The following ST6GALNAC3 variants were observed in gnomAD, a reference collection of about 807,000 sequenced individuals.
The protein encoded by ST6GALNAC3 is alpha-N-acetylgalactosaminide alpha-2,6-sialyltransferase 3.
ST6GALNAC3 carries 25 observed loss-of-function variants against 32.7 expected under a neutral mutation model. That is an observed-to-expected ratio of 0.76 (90% CI 0.56 to 1.07). The LOEUF (loss-of-function observed/expected upper bound fraction) is 1.07, where lower values mean the gene tolerates loss of function less well. ST6GALNAC3 is among the 50% of genes least tolerant of loss of function. ST6GALNAC3 has a pLI of 0.00. For missense variants in ST6GALNAC3, 355 were observed against 382.4 expected, an observed-to-expected ratio of 0.93 and a Z score of 0.60; for synonymous variants, 129 against 133.1, an observed-to-expected ratio of 0.97 and a Z score of 0.21.
intron 1 of ST6GALNAC3, among the ~76,000 whole-genome samples, chr1:76,099,534 A>G (rs1214029465): frequency 3.3e-5 from 5 of 151,960 alleles, no homozygotes; most frequent in African/African-American, 1.2e-4. Context: ...ATGTAGATGA[A>G]TCTCCAAAAC....
intron 3 of ST6GALNAC3, among the ~76,000 whole-genome samples, chr1:76,437,651 C>T (rs1416861498): frequency 2.0e-5 from 3 of 149,422 alleles, no homozygotes; most frequent in Non-Finnish European, 4.4e-5. Flanking sequence ...GATCTCGGCT[C>T]ACTGCAACCT....
chr1:76,437,969 A>T (rs1221337074), intron 3 of ST6GALNAC3, among the ~76,000 whole-genome samples: 3 of 151,394 alleles, frequency 2.0e-5, no homozygotes, highest in African/African-American at 7.3e-5. Context: ...CTTAAGGTCG[A>T]TTCTAAGAAT....
chr1:76,494,466 T>C (rs56397348), intron 3 of ST6GALNAC3, among the ~76,000 whole-genome samples: 14,385 of 50,464 alleles, frequency 0.29, 2,420 homozygotes, highest in South Asian at 0.49. Flanking sequence ...TATATATATA[T>C]ATACACACAC....
At chr1:76,146,973 C>T (rs2706195) in intron 1 of ST6GALNAC3, among the ~76,000 whole-genome samples, 3,034 of 152,114 alleles carry the variant, frequency 0.02, 105 homozygotes, top group African/African-American at 0.069. Flanking sequence ...CTAATGACTC[C>T]GTGTACTGCT....
intron 3 of ST6GALNAC3, among the ~76,000 whole-genome samples, chr1:76,415,791 A>T (rs1014033745): frequency 6.6e-6 from 1 of 152,060 alleles, no homozygotes; most frequent in African/African-American, 2.4e-5. Flanking sequence ...GCTCATTGCT[A>T]CTGGATTGGT....
At chr1:76,596,273 T>A (rs1647135739) in intron 3 of ST6GALNAC3, among the ~76,000 whole-genome samples, 1 of 152,148 alleles carries the variant, frequency 6.6e-6, no homozygotes, top group African/African-American at 2.4e-5. Context: ...ATTTTACTTA[T>A]CATGTAGAAT....
chr1:76,300,978 A>G (rs1322026128), intron 1 of ST6GALNAC3, among the ~76,000 whole-genome samples: 1 of 152,012 alleles, frequency 6.6e-6, no homozygotes, highest in Non-Finnish European at 1.5e-5. Context: ...TAGCTTATGT[A>G]GGCAACCTGA....
intron 3 of ST6GALNAC3, among the ~76,000 whole-genome samples, chr1:76,524,911 G>T (rs1662769496): frequency 6.6e-6 from 1 of 151,582 alleles, no homozygotes; most frequent in African/African-American, 2.4e-5. Flanking sequence ...ATATATTTTG[G>T]TTATCTCCTA....
At chr1:76,524,770 G>C (rs995623481) in intron 3 of ST6GALNAC3, among the ~76,000 whole-genome samples, 1 of 148,548 alleles carries the variant, frequency 6.7e-6, no homozygotes, top group African/African-American at 2.5e-5. Flanking sequence ...CAAAACTCAA[G>C]CAATATTAAA....
intron 1 of ST6GALNAC3, among the ~76,000 whole-genome samples, chr1:76,299,641 C>A (rs901755972): frequency 3.3e-5 from 5 of 152,012 alleles, no homozygotes; most frequent in Non-Finnish European, 4.4e-5. Flanking sequence ...AGTTACCTCC[C>A]ACCAGTTGAA....
At chr1:76,340,338 A>G (rs932381189) in intron 2 of ST6GALNAC3, among the ~76,000 whole-genome samples, 1 of 152,230 alleles carries the variant, frequency 6.6e-6, no homozygotes, top group Non-Finnish European at 1.5e-5. Context: ...TGATGATTCT[A>G]TGTGTGTCCT....
At chr1:76,366,631 G>A (rs577998370) in intron 2 of ST6GALNAC3, among the ~76,000 whole-genome samples, 3 of 152,202 alleles carry the variant, frequency 2.0e-5, no homozygotes, top group South Asian at 2.1e-4. Flanking sequence ...AAATATCAAG[G>A]TGTTCTTAAT....
chr1:76,168,084 T>C (rs1434636000), intron 1 of ST6GALNAC3, among the ~76,000 whole-genome samples: 2 of 152,068 alleles, frequency 1.3e-5, no homozygotes, highest in African/African-American at 4.8e-5. Flanking sequence ...GTTAGGTTGT[T>C]AACTTGAGAT....
At chr1:76,245,298 T>G (rs1051415716) in intron 1 of ST6GALNAC3, among the ~76,000 whole-genome samples, 4 of 152,178 alleles carry the variant, frequency 2.6e-5, no homozygotes, top group Admixed American at 1.3e-4. Context: ...CATTTTTGAT[T>G]GTGTCTATTT....
intron 1 of ST6GALNAC3, among the ~76,000 whole-genome samples, chr1:76,132,627 C>G (rs1649685277): frequency 6.6e-6 from 1 of 152,156 alleles, no homozygotes; most frequent in African/African-American, 2.4e-5. Context: ...CTTGGAGGAC[C>G]ACTTGTAGAG....
At chr1:76,117,154 T>C (rs74090098) in intron 1 of ST6GALNAC3, among the ~76,000 whole-genome samples, 9,636 of 152,244 alleles carry the variant, frequency 0.063, 1,041 homozygotes, top group African/African-American at 0.22. Context: ...TTTCTCTATA[T>C]GTGCAGGTAT....
chr1:76,185,355 A>G (rs910870566), intron 1 of ST6GALNAC3, among the ~76,000 whole-genome samples: 20 of 152,208 alleles, frequency 1.3e-4, no homozygotes, highest in African/African-American at 3.6e-4. Flanking sequence ...TTTTATTGGA[A>G]CATCACATTA....
At chr1:76,082,945 C>T (rs1305516438) in intron 1 of ST6GALNAC3, among the ~76,000 whole-genome samples, 1 of 151,638 alleles carries the variant, frequency 6.6e-6, no homozygotes, top group African/African-American at 2.4e-5. Context: ...CACATTCATT[C>T]AATCTTATCT....
intron 2 of ST6GALNAC3, among the ~76,000 whole-genome samples, chr1:76,351,831 A>G (rs2101023494): frequency 6.6e-6 from 1 of 152,258 alleles, no homozygotes. Flanking sequence ...TGAAACATAC[A>G]TTTTCCTCTC....
Sources: allele counts gnomAD v4.1 joint callset (sites outside exome capture counted in the v4.1 genomes callset), GRCh38; gene constraint gnomAD v4.1.1; transcripts MANE v1.5; gene names NCBI Gene and HGNC (gene_info 2026-07-23, HGNC 2026-07-21).